The following KIFC2 variants were observed in gnomAD, a reference collection of about 807,000 sequenced individuals.
KIFC2 encodes kinesin family member C2, also known as kinesin-like protein KIFC2.
In KIFC2, 94 loss-of-function variants were observed where a neutral mutation model predicts 91.5. The ratio of observed to expected loss-of-function variants is 1.03; its 90% CI spans 0.87 to 1.22. The LOEUF is 1.22. Ranked by LOEUF, KIFC2 falls within the 50% of genes most tolerant of loss-of-function variation. The probability of loss-of-function intolerance (pLI) is 0.00; values close to 1 mark genes in which losing one functional copy is unlikely to be tolerated. For missense variants in KIFC2, 1,357 were observed against 1,103.3 expected, an observed-to-expected ratio of 1.23 and a Z score of -3.26; for synonymous variants, 729 against 503.9, an observed-to-expected ratio of 1.45 and a Z score of -5.98.
intron 12 of KIFC2, 76 bp downstream of exon 12, chr8:144,469,723 C>A (rs961775061): frequency 4.0e-6 from 6 of 1,490,556 alleles, no homozygotes; most frequent in Admixed American, 4.5e-5. Flanking sequence ...CCAGTTTCCC[C>A]TTCCCAGTCT....
At position 144,472,413 on chromosome 8, in the gene KIFC2, G is replaced by A; in HGVS notation, c.1660G>A (p.Glu554Lys). ...PERLAVRQGPEGQGGIQVAGL... is the reference protein window; with the variant it reads ...PERLAVRQGPKGQGGIQVAGL... The stretch of plus-strand genomic sequence containing the variant: ...GCGCCTGGCCGTGAGGCAGGGCCCA[G>A]AAGGCCAGGGCGGGATCCAGGTGGC... Residue 554 changes from glutamate to lysine, a missense_variant, in exon 15 of 18, where the codon GAA becomes AAA. Glu to Lys is a moderately conservative substitution (Grantham distance 56). Transcript: ENST00000645548. The A allele has an allele frequency of 1.2e-6, 2 of 1,613,072 alleles. No homozygotes were observed. The highest frequency in any genetic ancestry group is 1.7e-6 in the Non-Finnish European group (2 of 1,179,860).
intron 10 of KIFC2, 39 bp from the exon 11 acceptor site, chr8:144,469,232 G>T (rs1388545575): frequency 1.7e-5 from 24 of 1,424,760 alleles, no homozygotes; most frequent in Middle Eastern, 4.8e-4. Flanking sequence ...GCAGCTCCTT[G>T]GCTGACCCCT....
In KIFC2 at chr8:144,466,764, C is replaced by T; in HGVS notation, c.104C>T (p.Ala35Val). 2 of 1,530,786 alleles carry T rather than the reference C, an allele frequency of 1.3e-6. No homozygotes were observed. The highest frequency in any genetic ancestry group is 1.7e-6 in the Non-Finnish European group (2 of 1,145,676). 94.8% of individuals were successfully genotyped at this position (1,530,786 alleles called of 1,614,324 possible). A position where few individuals can be genotyped will look rare whatever the true frequency, so the allele number is the denominator to read the frequency against. Residue 35 changes from alanine to valine, a missense_variant, in exon 2 of 18, where the codon GCC becomes GTC. Physicochemically the swap from Ala to Val is moderately conservative, Grantham distance 64. Transcript: ENST00000645548. Reference protein sequence around the residue: ...AAEPGDPAQRARKPRGRRRPD... With the variant: ...AAEPGDPAQRVRKPRGRRRPD... ...GCGCCCCTGCCCCCTCCCTAGAGAGCCCGCAAGCCCCGGGGTCGCCGGCGC... is the reference window on the plus strand; with the variant it reads ...GCGCCCCTGCCCCCTCCCTAGAGAGTCCGCAAGCCCCGGGGTCGCCGGCGC...
chr8:144,470,258 C>T (rs1024442902), intron 12 of KIFC2, among the ~76,000 whole-genome samples: 7 of 152,110 alleles, frequency 4.6e-5, no homozygotes, highest in African/African-American at 1.4e-4. Context: ...TGGCCAGGGT[C>T]ACCCTGATTG....
At chr8:144,467,662 G>A (rs763554004) in intron 5 of KIFC2, 32 bp downstream of exon 5, 2 of 1,605,992 alleles carry the variant, frequency 1.2e-6, no homozygotes, top group Non-Finnish European at 8.5e-7. Context: ...GGGATTGCCG[G>A]CTGGGACGCC....
Position 144,469,280 on chromosome 8 carries a change from G to A in KIFC2, c.1123G>A (p.Ala375Thr). 1 of 1,596,594 alleles carries A rather than the reference G, an allele frequency of 6.3e-7. No homozygotes were observed. The highest frequency in any genetic ancestry group is 8.5e-7 in the Non-Finnish European group (1 of 1,173,724). ...ATCCCTGTTCCCTCAGGTGTCCTGG[G>A]CCTTGGGGGCACTGTCATCTGGAGG... ...LSEARGQVSW[A>T]LGALSSGGPG... is the part of the protein sequence containing the mutation. The change falls in exon 11 of 18, where the codon GCC (alanine) becomes ACC (threonine). Residue 375 changes from alanine (A) to threonine (T), a missense_variant. By Grantham distance (58) the Ala-to-Thr change is moderately conservative. Coordinates refer to ENST00000645548, the MANE Select transcript of KIFC2 (RefSeq NM_001369769.2).
Position 144,473,956 on chromosome 8 carries a change from TGAG to T in KIFC2, c.*568_*570del, listed in dbSNP as rs1825053032. Reference sequence around the variant, plus strand: ...GGTGACTGATGGATGGGTAGTGGGCTGAGAAGAGGGGACTAGGAAGGGCTATTC... The same window carrying T: ...GGTGACTGATGGATGGGTAGTGGGCTAAGAGGGGACTAGGAAGGGCTATTC... On this transcript the variant is annotated 3_prime_UTR_variant, in exon 18 of 18. Coordinates refer to ENST00000645548, the MANE Select transcript of KIFC2 (RefSeq NM_001369769.2). 1 of 496,362 alleles carries T rather than the reference TGAG, an allele frequency of 2.0e-6. No individual in the cohort carries two copies. The highest frequency in any genetic ancestry group is 3.6e-6 in the Non-Finnish European group (1 of 279,866). The allele number at this position is 496,362 out of a possible 1,614,324, so 30.7% of individuals were successfully genotyped here.
chr8:144,473,795 C>A lies in KIFC2; in HGVS notation c.*406C>A. 2.6e-6 allele frequency: 1 copy of A among 378,106 alleles called. No homozygotes were observed. Among genetic ancestry groups the A allele is most frequent in the Non-Finnish European group, 4.8e-6 (1 of 209,864 alleles). 23.4% of individuals were successfully genotyped at this position (378,106 alleles called of 1,614,324 possible). A position where few individuals can be genotyped will look rare whatever the true frequency, so the allele number is the denominator to read the frequency against. ...CCACCAGGACCATGTAGGGTGCAGTCTTTACTCCCTAACCCGTTTCCCGAA... is the reference window on the plus strand; with the variant it reads ...CCACCAGGACCATGTAGGGTGCAGTATTTACTCCCTAACCCGTTTCCCGAA... On this transcript the variant is annotated 3_prime_UTR_variant, in exon 18 of 18. Transcript: ENST00000645548.
In KIFC2 at chr8:144,472,676, G is replaced by T. The variant is rs757981825; in HGVS notation, c.1831G>T (p.Ala611Ser). Residue 611 changes from alanine (A) to serine (S), a missense_variant, in exon 16 of 18, where the codon GCG becomes TCG. Ala to Ser is a moderately conservative substitution (Grantham distance 99). Coordinates refer to ENST00000645548, the MANE Select transcript of KIFC2 (RefSeq NM_001369769.2). ...HALVTLTLRA[A>S]SPPRAPGTAG... ...CCTGGTCACGCTGACGCTGCGCGCG[G>T]CGTCTCCACCGCGCGCTCCAGGCAC... 1.3e-6 allele frequency: 2 copies of T among 1,596,292 alleles called. No homozygotes were observed. The highest frequency in any genetic ancestry group is 2.7e-5 in the African/African-American group (2 of 74,962).
chr8:144,466,333 C>A, upstream of KIFC2: 1 of 386,190 alleles, frequency 2.6e-6, no homozygotes, highest in Non-Finnish European at 3.9e-6. Context: ...CGAGCATGCG[C>A]ACCGGCACTG....
At chr8:144,468,284 A>G in intron 7 of KIFC2, 45 bp from the exon 8 acceptor site, 2 of 1,528,888 alleles carry the variant, frequency 1.3e-6, no homozygotes, top group South Asian at 2.3e-5. Context: ...ATGGTACCAC[A>G]GACCGTCCCT....
chr8:144,472,833 G>A lies in KIFC2; in HGVS notation c.1900G>A (p.Ala634Thr). 3.8e-6 allele frequency: 6 copies of A among 1,571,334 alleles called. No homozygotes were observed. The highest frequency in any genetic ancestry group is 4.3e-6 in the Non-Finnish European group (5 of 1,169,492). Residue 634 changes from alanine to threonine, a missense_variant, in exon 17 of 18, where the codon GCA becomes ACA. Coordinates refer to ENST00000645548, the MANE Select transcript of KIFC2 (RefSeq NM_001369769.2). ...GGTGGACCTGGCGGGATCCGAACGCGCACGGAAGGCAGGGGCGGCCGGCCC... is the reference window on the plus strand; with the variant it reads ...GGTGGACCTGGCGGGATCCGAACGCACACGGAAGGCAGGGGCGGCCGGCCC... ...HLVDLAGSER[A>T]RKAGAAGPPR...
In KIFC2 at chr8:144,466,467, C is replaced by T. The variant is rs1471139427; in HGVS notation, c.48C>T (p.Phe16=). The T allele has an allele frequency of 2.2e-6, 3 of 1,355,718 alleles. No individual in the cohort carries two copies. The highest frequency in any genetic ancestry group is 1.9e-6 in the Non-Finnish European group (2 of 1,042,696). The allele number at this position is 1,355,718 out of a possible 1,614,324, so 84.0% of individuals were successfully genotyped here. ...SLLIYIFYSL[F]RRDGGAAAAA... ...TCATCTACATCTTCTACAGCCTCTT[C>T]CGCAGGGATGGTGGCGCCGCGGCGG... The change falls in exon 1 of 18, where the codon TTC becomes TTT. Residue 16 remains phenylalanine, a synonymous_variant. Transcript: ENST00000645548.
rs985674122 is a variant in KIFC2 at position 144,467,940 on chromosome 8, G to T, written c.763G>T (p.Asp255Tyr). The T allele has an allele frequency of 6.2e-7, 1 of 1,606,916 alleles. No individual in the cohort carries two copies. The highest frequency in any genetic ancestry group is 8.5e-7 in the Non-Finnish European group (1 of 1,177,766). ...GAAGCAGAGCCTGAGTCTCATGCGG[G>T]ACCTCCTGCTGCACTGGGGCCCCGG... Reference protein sequence around the residue: ...ALKQSLSLMRDLLLHWGPGPP... With the variant: ...ALKQSLSLMRYLLLHWGPGPP... The change falls in exon 7 of 18, where the codon GAC (aspartate) becomes TAC (tyrosine). Residue 255 changes from aspartate (D) to tyrosine (Y), a missense_variant. Transcript: ENST00000645548.
In KIFC2 at chr8:144,466,795, C is replaced by G. The variant is rs759050492; in HGVS notation, c.135C>G (p.Asp45Glu). The change falls in exon 2 of 18, where the codon GAC (aspartate) becomes GAG (glutamate). Residue 45 changes from aspartate to glutamate, a missense_variant. Coordinates refer to ENST00000645548, the MANE Select transcript of KIFC2 (RefSeq NM_001369769.2). ...AGCCCCGGGGTCGCCGGCGCCCAGA[C>G]CTGCCCGCGCCAGAGCTGTGGACCG... is the stretch of plus-strand genomic sequence containing the variant. ...ARKPRGRRRP[D>E]LPAPELWTEL... 2.6e-6 allele frequency: 4 copies of G among 1,535,850 alleles called. No individual in the cohort carries two copies. Among genetic ancestry groups the G allele is most frequent in the South Asian group, 2.4e-5 (2 of 84,216 alleles).
rs916817332 is a variant in KIFC2, at chr8:144,471,886, G to C, written c.1381-56G>C. Reference sequence around the variant, plus strand: ...GTGGCACTCCCCACCCCACCAAATAGGGCATAAACAGGCAACGTGGGGAGG... The same window carrying C: ...GTGGCACTCCCCACCCCACCAAATACGGCATAAACAGGCAACGTGGGGAGG... On this transcript the variant is annotated intron_variant, in intron 12 of 17. Transcript: ENST00000645548. 247 of 1,506,110 alleles carry C rather than the reference G, an allele frequency of 1.6e-4. 1 individual carries two copies. Among genetic ancestry groups the C allele is most frequent in the Middle Eastern group, 1.7e-4 (1 of 5,912 alleles). The allele number at this position is 1,506,110 out of a possible 1,614,324, so 93.3% of individuals were successfully genotyped here. A position where few individuals can be genotyped will look rare whatever the true frequency, so the allele number is the denominator to read the frequency against.
chr8:144,472,042 T>A lies in KIFC2; in HGVS notation c.1481T>A (p.Met494Lys). The part of the protein sequence containing the change: ...GQTGTGKTYS[M>K]EGPPEDPGIV... ...ACAGGCACCGGGAAGACCTACAGCA[T>A]GGAGGTGGGACAGAGCTCACGCCCC... Residue 494 changes from methionine to lysine, a missense_variant, in exon 13 of 18, where the codon ATG becomes AAG. Met to Lys is a moderately conservative substitution (Grantham distance 95). Transcript: ENST00000645548. The A allele has an allele frequency of 6.2e-7, 1 of 1,613,492 alleles. No homozygotes were observed. Among genetic ancestry groups the A allele is most frequent in the Non-Finnish European group, 8.5e-7 (1 of 1,180,012 alleles).
chr8:144,469,584 C>T lies in KIFC2; in HGVS notation c.1317C>T (p.Tyr439=). The T allele has an allele frequency of 3.1e-6, 5 of 1,612,988 alleles. No individual in the cohort carries two copies. The highest frequency in any genetic ancestry group is 4.2e-6 in the Non-Finnish European group (5 of 1,179,718). ...CAGGGGGCACCGTCACCACCTGCTA[C>T]CGGGGGCGCCATCGTCGATTCCGCC... ...PGPGGTVTTC[Y]RGRHRRFRLD... is the part of the protein sequence containing the mutation. Residue 439 remains tyrosine (Y), a synonymous_variant, in exon 12 of 18, where the codon TAC becomes TAT. Transcript: ENST00000645548.
chr8:144,469,239 C>T (rs776786707), intron 10 of KIFC2, 32 bp from the exon 11 acceptor site: 15 of 1,539,686 alleles, frequency 9.7e-6, no homozygotes, highest in Admixed American at 5.9e-5. Flanking sequence ...CTTGGCTGAC[C>T]CCTTGCCTTC....
Sources: allele counts gnomAD v4.1 joint callset (sites outside exome capture counted in the v4.1 genomes callset), GRCh38; gene constraint gnomAD v4.1.1; transcripts MANE v1.5; gene names NCBI Gene and HGNC (gene_info 2026-07-23, HGNC 2026-07-21).